PPP2R3A: variants seen among roughly 807,000 people sequenced by gnomAD.
PPP2R3A encodes the protein serine/threonine-protein phosphatase 2A regulatory subunit B'' subunit alpha.
In PPP2R3A, 80 loss-of-function variants were observed where a neutral mutation model predicts 106.9. The ratio of observed to expected loss-of-function variants is 0.75; its 90% CI spans 0.62 to 0.90. The LOEUF (loss-of-function observed/expected upper bound fraction) is 0.90. Among genes scored for constraint, PPP2R3A ranks in the 40% least tolerant of loss-of-function variants. PPP2R3A has a pLI of 0.00. For synonymous variants in PPP2R3A, 483 were observed against 468.3 expected (o/e 1.03, Z -0.41); for missense variants, 1,386 against 1,350.4 (o/e 1.03, Z -0.41).
intron 3 of PPP2R3A, among the ~76,000 whole-genome samples, chr3:136,033,227 C>T (rs1934967939): frequency 6.6e-6 from 1 of 152,156 alleles, no homozygotes; most frequent in African/African-American, 2.4e-5. Context: ...ATATGAAACC[C>T]ACTTAATCAT....
intron 1 of PPP2R3A, among the ~76,000 whole-genome samples, chr3:135,995,315 A>G (rs1019127239): frequency 2.2e-4 from 34 of 152,178 alleles, no homozygotes; most frequent in Admixed American, 1.1e-3. Context: ...CTCATATTTT[A>G]TCTCATCTAA....
At chr3:136,034,239 G>C (rs1935007153) in intron 3 of PPP2R3A, among the ~76,000 whole-genome samples, 1 of 152,004 alleles carries the variant, frequency 6.6e-6, no homozygotes, top group Admixed American at 6.5e-5. Flanking sequence ...GTTTCACCAT[G>C]TTTGCCAGGA....
At chr3:136,087,767 A>T (rs1214967293) in intron 8 of PPP2R3A, 116 bp from the exon 9 acceptor site, 1 of 647,208 alleles carries the variant, frequency 1.5e-6, no homozygotes. Context: ...CATTCTCATC[A>T]TGGACGATGG....
intron 9 of PPP2R3A, 26 bp from the exon 10 acceptor site, chr3:136,090,552 A>G (rs1937070746): frequency 6.3e-7 from 1 of 1,582,022 alleles, no homozygotes; most frequent in Non-Finnish European, 8.7e-7. Flanking sequence ...TGCTCAGGAA[A>G]TTTTATAACC....
chr3:135,996,163 CA>C (rs375938900), intron 1 of PPP2R3A, among the ~76,000 whole-genome samples: 498 of 149,652 alleles, frequency 3.3e-3, no homozygotes, highest in East Asian at 0.019. Flanking sequence ...TTAAAATGTC[CA>C]AAAAAAAATG....
At chr3:136,134,159 T>C (rs1938522871) in intron 13 of PPP2R3A, among the ~76,000 whole-genome samples, 1 of 152,184 alleles carries the variant, frequency 6.6e-6, no homozygotes, top group Non-Finnish European at 1.5e-5. Flanking sequence ...AGTTAAAATA[T>C]AGTGTCTTCA....
chr3:136,134,435 T>C (rs1938530054), intron 13 of PPP2R3A, among the ~76,000 whole-genome samples: 1 of 152,194 alleles, frequency 6.6e-6, no homozygotes, highest in African/African-American at 2.4e-5. Context: ...CTAAAATAAA[T>C]TCAAAGCAAC....
rs1255997650 is a variant in PPP2R3A, at chr3:136,049,357, T to A, written c.2465T>A (p.Leu822His). Residue 822 changes from leucine (L) to histidine (H), a missense_variant, in exon 5 of 14, where the codon CTT (leucine) becomes CAT (histidine). Coordinates refer to ENST00000264977, the MANE Select transcript of PPP2R3A (RefSeq NM_002718.5). ...GAACAGGAGGATTTCATCCCTCTACTTCAGGTAATTTTCATCTCCTTTTGA... is the reference window on the plus strand; with the variant it reads ...GAACAGGAGGATTTCATCCCTCTACATCAGGTAATTTTCATCTCCTTTTGA... Reference protein sequence around the residue: ...SLEQEDFIPLLQDVVDTHPGL... With the variant: ...SLEQEDFIPLHQDVVDTHPGL... 2 of 1,598,616 alleles carry A rather than the reference T, an allele frequency of 1.3e-6. No individual in the cohort carries two copies. The highest frequency in any genetic ancestry group is 1.7e-6 in the Non-Finnish European group (2 of 1,173,328).
Position 136,026,902 on chromosome 3 carries a change from G to T in PPP2R3A, c.2066G>T (p.Arg689Leu), listed in dbSNP as rs756038189. ...PPPATSPSSP[R>L]PLSPVPHVNN... ...CCAGCCACCTCTCCAAGTAGTCCCCGACCTCTCTCCCCGGTTCCCCATGTG... is the reference window on the plus strand; with the variant it reads ...CCAGCCACCTCTCCAAGTAGTCCCCTACCTCTCTCCCCGGTTCCCCATGTG... Residue 689 changes from arginine (R) to leucine (L), a missense_variant, in exon 3 of 14, where the codon CGA (arginine) becomes CTA (leucine). Physicochemically the swap from Arg to Leu is moderately radical, Grantham distance 102 (BLOSUM62 -2). Coordinates refer to ENST00000264977, the MANE Select transcript of PPP2R3A (RefSeq NM_002718.5). 12 of 1,612,736 alleles carry T rather than the reference G, an allele frequency of 7.4e-6. No individual in the cohort carries two copies. The highest frequency in any genetic ancestry group is 3.3e-5 in the Admixed American group (2 of 59,974).
chr3:136,140,574 C>A (rs537062926), intron 13 of PPP2R3A, among the ~76,000 whole-genome samples: 1 of 151,722 alleles, frequency 6.6e-6, no homozygotes, highest in Admixed American at 6.6e-5. Flanking sequence ...CATGGAGAAA[C>A]CCTGTCTCTA....
At chr3:136,106,410 G>T in intron 13 of PPP2R3A, 88 bp downstream of exon 13, 1 of 1,168,686 alleles carries the variant, frequency 8.6e-7, no homozygotes, top group Non-Finnish European at 1.2e-6. Context: ...ATCCTTTTCT[G>T]TTTTTTCCAT....
chr3:136,065,721 G>A (rs1936244505), intron 5 of PPP2R3A, among the ~76,000 whole-genome samples: 1 of 152,208 alleles, frequency 6.6e-6, no homozygotes, highest in African/African-American at 2.4e-5. Context: ...CTGTTTCCCA[G>A]CTGGAATGCA....
In PPP2R3A at chr3:136,003,334, A is replaced by G; in HGVS notation, c.1836A>G (p.Arg612=). The G allele has an allele frequency of 6.2e-7, 1 of 1,614,028 alleles. No individual in the cohort carries two copies. Among genetic ancestry groups the G allele is most frequent in the Non-Finnish European group, 8.5e-7 (1 of 1,179,950 alleles). Residue 612 remains arginine (R), a synonymous_variant, in exon 2 of 14, where the codon AGA becomes AGG. Transcript: ENST00000264977. The part of the protein sequence containing the change: ...AQELVECKSS[R]GSLSQEKEMM... ...AACTAGTTGAATGCAAATCAAGCAG[A>G]GGGAGCCTATCACAAGAAAAGGAAA... is the stretch of plus-strand genomic sequence containing the variant.
chr3:136,046,174 C>A (rs528770626), intron 4 of PPP2R3A, among the ~76,000 whole-genome samples: 2 of 150,924 alleles, frequency 1.3e-5, no homozygotes, highest in South Asian at 4.2e-4. Context: ...CAGGCTTTGT[C>A]TCAAGAAAGA....
chr3:135,999,607 T>C (rs1227604833), intron 1 of PPP2R3A, among the ~76,000 whole-genome samples: 2 of 152,162 alleles, frequency 1.3e-5, no homozygotes, highest in African/African-American at 4.8e-5. Flanking sequence ...CATTGATAGT[T>C]GGTGCTACCC....
intron 1 of PPP2R3A, among the ~76,000 whole-genome samples, chr3:135,971,128 A>G (rs942843875): frequency 6.6e-6 from 1 of 152,016 alleles, no homozygotes; most frequent in Admixed American, 6.6e-5. Flanking sequence ...TTGCAGCTGT[A>G]TTTTTTCCAA....
At chr3:135,991,156 C>G (rs764332150) in intron 1 of PPP2R3A, among the ~76,000 whole-genome samples, 6 of 152,270 alleles carry the variant, frequency 3.9e-5, no homozygotes, top group Non-Finnish European at 7.4e-5. Context: ...ATCCACTGTC[C>G]TGCCCGCTCA....
chr3:136,134,909 T>C (rs1938547623), intron 13 of PPP2R3A, among the ~76,000 whole-genome samples: 1 of 152,068 alleles, frequency 6.6e-6, no homozygotes, highest in South Asian at 2.1e-4. Flanking sequence ...AACTAGATCA[T>C]GTATTTTACA....
chr3:136,017,705 A>C (rs1248685287), intron 2 of PPP2R3A, among the ~76,000 whole-genome samples: 2 of 151,198 alleles, frequency 1.3e-5, no homozygotes, highest in Non-Finnish European at 3.0e-5. Context: ...CTTCAGAGTG[A>C]CTCTCTGTCT....
Sources: gnomAD v4.1 joint callset for allele counts (sites outside exome capture counted in the v4.1 genomes callset) on GRCh38, gnomAD v4.1.1 for gene constraint, MANE v1.5 for transcripts, NCBI Gene and HGNC (gene_info 2026-07-23, HGNC 2026-07-21) for gene names.